Variants in ADAMTS12 observed in about 807,000 individuals in gnomAD.
ADAMTS12 encodes A disintegrin and metalloproteinase with thrombospondin motifs 12.
Under a neutral mutation model 167.8 loss-of-function variants are expected in ADAMTS12, and 118 were observed. That is an observed-to-expected ratio of 0.70 (90% CI 0.61 to 0.82). The LOEUF is 0.82. Ranked by LOEUF, ADAMTS12 falls within the 40% of genes least tolerant of loss-of-function variation. ADAMTS12 has a pLI of 0.00. For missense variants in ADAMTS12, 1,916 were observed against 1,998.8 expected (o/e 0.96, Z 0.79); for synonymous variants, 704 against 716.9 (o/e 0.98, Z 0.29).
intron 2 of ADAMTS12, among the ~76,000 whole-genome samples, chr5:33,851,065 A>T (rs772368098): frequency 7.2e-5 from 11 of 152,228 alleles, no homozygotes; most frequent in Non-Finnish European, 1.6e-4. Flanking sequence ...TGCGCATGAC[A>T]GAGTACTCTT....
rs144234637 is a variant in ADAMTS12 at position 33,772,461 on chromosome 5, C to A, written c.490-20913G>T. Reference sequence around the variant, plus strand: ...GAAACTAATTTACCATGTGTTTTAGCCATAGCTCCTCCCAAGGTGCTGTAT... The same window carrying A: ...GAAACTAATTTACCATGTGTTTTAGACATAGCTCCTCCCAAGGTGCTGTAT... On this transcript the variant is annotated intron_variant, in intron 2 of 23. Transcript: ENST00000504830. Among the ~76,000 whole-genome samples the A allele has an allele frequency of 6.1e-3, 927 of 152,272 alleles. 18 individuals are homozygous for A. Among genetic ancestry groups the A allele is most frequent in the African/African-American group, 0.021 (878 of 41,526 alleles).
At chr5:33,768,553 TATA>T (rs907268383) in intron 2 of ADAMTS12, among the ~76,000 whole-genome samples, 1 of 152,214 alleles carries the variant, frequency 6.6e-6, no homozygotes, top group Non-Finnish European at 1.5e-5. Context: ...TATATGGAAA[TATA>T]ATATGTAATG....
Position 33,577,000 on chromosome 5 carries a change from G to A in ADAMTS12, c.3026C>T (p.Thr1009Ile). ...TGGTGGGTTTTTTCCATTGGAAATA[G>A]TGCCTTTGTTTGGTTTCAGAACTCT... Reference protein sequence around the residue: ...SRRVLKPNKGTISNGKNPPTL... With the variant: ...SRRVLKPNKGIISNGKNPPTL... The change falls in exon 19 of 24, where the codon ACT becomes ATT. Residue 1009 changes from threonine (T) to isoleucine (I), a missense_variant. Thr to Ile is a moderately conservative substitution (Grantham distance 89). Transcript: ENST00000504830. The A allele has an allele frequency of 1.2e-6, 2 of 1,614,194 alleles. No individual in the cohort carries two copies. The highest frequency in any genetic ancestry group is 1.7e-6 in the Non-Finnish European group (2 of 1,180,032).
chr5:33,718,827 G>T (rs1156273065), intron 3 of ADAMTS12, among the ~76,000 whole-genome samples: 1 of 152,094 alleles, frequency 6.6e-6, no homozygotes. Flanking sequence ...TTCTAACGAC[G>T]GGCACCTGAA....
At chr5:33,801,776 T>C (rs1478041578) in intron 2 of ADAMTS12, among the ~76,000 whole-genome samples, 2 of 152,080 alleles carry the variant, frequency 1.3e-5, no homozygotes, top group African/African-American at 4.8e-5. Flanking sequence ...GAAAATGCCG[T>C]GAGGTTGAAG....
At position 33,717,048 on chromosome 5, in the gene ADAMTS12, A is replaced by C. The variant is rs188811073; in HGVS notation, c.635-32993T>G. Among the ~76,000 whole-genome samples, 147 of 152,158 alleles carry C rather than the reference A, an allele frequency of 9.7e-4. 1 individual carries two copies. The highest frequency in any genetic ancestry group is 1.2e-3 in the Admixed American group (18 of 15,284). On this transcript the variant is annotated intron_variant, in intron 3 of 23. Transcript: ENST00000504830. ...ACAGTAACAATTTTGATCCTACCCTATAGAGTTATGACTCTATCAGTTTGG... is the reference window on the plus strand; with the variant it reads ...ACAGTAACAATTTTGATCCTACCCTCTAGAGTTATGACTCTATCAGTTTGG...
intron 22 of ADAMTS12, among the ~76,000 whole-genome samples, chr5:33,541,633 G>A (rs760063541): frequency 1.3e-5 from 2 of 152,188 alleles, no homozygotes; most frequent in Non-Finnish European, 2.9e-5. Context: ...AACAGTGGCT[G>A]ACACTCTGCA....
At chr5:33,697,956 T>A (rs1043925946) in intron 3 of ADAMTS12, among the ~76,000 whole-genome samples, 2 of 152,246 alleles carry the variant, frequency 1.3e-5, no homozygotes, top group Non-Finnish European at 2.9e-5. Flanking sequence ...TGTTTGAGTG[T>A]TGAATTTCCT....
At chr5:33,632,905 C>T (rs1029352153) in intron 12 of ADAMTS12, among the ~76,000 whole-genome samples, 1 of 152,024 alleles carries the variant, frequency 6.6e-6, no homozygotes, top group Non-Finnish European at 1.5e-5. Context: ...ATTGCGGCAA[C>T]GGAATGTTTA....
intron 16 of ADAMTS12, among the ~76,000 whole-genome samples, chr5:33,608,797 G>A (rs764144183): frequency 6.6e-5 from 10 of 152,184 alleles, no homozygotes; most frequent in Non-Finnish European, 1.2e-4. Flanking sequence ...CAGTGGTGAT[G>A]TTTAACAAAC....
intron 18 of ADAMTS12, among the ~76,000 whole-genome samples, chr5:33,579,828 C>G (rs756808840): frequency 4.6e-5 from 7 of 152,214 alleles, no homozygotes; most frequent in Non-Finnish European, 1.0e-4. Flanking sequence ...ATTATTATCA[C>G]TGTTCTAATA....
At chr5:33,728,805 G>T (rs1383250061) in intron 3 of ADAMTS12, among the ~76,000 whole-genome samples, 3 of 152,154 alleles carry the variant, frequency 2.0e-5, no homozygotes, top group African/African-American at 4.8e-5. Flanking sequence ...AGTAATGTCA[G>T]GTATGGTTGA....
intron 16 of ADAMTS12, among the ~76,000 whole-genome samples, chr5:33,606,477 T>G (rs1329013837): frequency 1.3e-5 from 2 of 152,146 alleles, no homozygotes; most frequent in African/African-American, 4.8e-5. Context: ...GGTCAAGAAG[T>G]GTGAAGAAAC....
intron 8 of ADAMTS12, 25 bp downstream of exon 8, chr5:33,649,529 G>A: frequency 6.2e-7 from 1 of 1,610,106 alleles, no homozygotes; most frequent in Non-Finnish European, 8.5e-7. Flanking sequence ...CCCAGGTGAG[G>A]GCGTCATGAG....
chr5:33,560,253 G>A (rs1185810811), intron 20 of ADAMTS12, among the ~76,000 whole-genome samples: 1 of 152,102 alleles, frequency 6.6e-6, no homozygotes, highest in Non-Finnish European at 1.5e-5. Context: ...TAATGCCCAT[G>A]ATTTGCTCAT....
chr5:33,563,051 A>G (rs1286895245), intron 19 of ADAMTS12, among the ~76,000 whole-genome samples: 1 of 152,230 alleles, frequency 6.6e-6, no homozygotes, highest in East Asian at 1.9e-4. Context: ...AAAAGTAGAA[A>G]TTATTTTCTA....
At chr5:33,752,978 T>C (rs1279820602) in intron 2 of ADAMTS12, among the ~76,000 whole-genome samples, 1 of 152,248 alleles carries the variant, frequency 6.6e-6, no homozygotes, top group Non-Finnish European at 1.5e-5. Flanking sequence ...CCTATTTTGA[T>C]TGCTGACCTT....
rs1744447509 is a variant in ADAMTS12, at chr5:33,738,543, T to TA, written c.634+12860_634+12861insT. Among the ~76,000 whole-genome samples, 82 of 152,360 alleles carry TA rather than the reference T, an allele frequency of 5.4e-4. 2 individuals are homozygous for TA. In the South Asian group the frequency reaches 0.017, roughly 31 times the overall value. ...CTTTCGGCTTTCACCTCTCATGTCA[T>TA]GGGTCACCTGCCCTATCCTTTGGTT... is the stretch of plus-strand genomic sequence containing the variant. On this transcript the variant is annotated intron_variant, in intron 3 of 23. Transcript: ENST00000504830.
At chr5:33,570,509 A>G (rs1429861498) in intron 19 of ADAMTS12, among the ~76,000 whole-genome samples, 11 of 152,176 alleles carry the variant, frequency 7.2e-5, no homozygotes, top group South Asian at 4.2e-4. Flanking sequence ...CTTCATAAGT[A>G]AAGGAGAAAT....
Sources: gnomAD v4.1 joint callset for allele counts (sites outside exome capture counted in the v4.1 genomes callset) on GRCh38, gnomAD v4.1.1 for gene constraint, MANE v1.5 for transcripts, NCBI Gene and HGNC (gene_info 2026-07-23, HGNC 2026-07-21) for gene names.